Variants in MAP4K5 observed in about 807,000 individuals in gnomAD.
The protein encoded by MAP4K5 is mitogen-activated protein kinase kinase kinase kinase 5.
MAP4K5 carries 82 observed loss-of-function variants against 135.6 expected under a neutral mutation model. The observed-to-expected ratio is 0.60, with a 90% CI of 0.51 to 0.73. MAP4K5 has a LOEUF of 0.73. Among genes scored for constraint, MAP4K5 ranks in the 30% least tolerant of loss-of-function variants. MAP4K5 has a pLI of 0.00. For missense variants in MAP4K5, 907 were observed against 1,010.9 expected (o/e 0.90, Z 1.39); for synonymous variants, 347 against 335.0 (o/e 1.04, Z -0.39).
intron 9 of MAP4K5, among the ~76,000 whole-genome samples, chr14:50,470,040 AAG>A (rs2036922230): frequency 6.6e-6 from 1 of 152,202 alleles, no homozygotes; most frequent in Non-Finnish European, 1.5e-5. Context: ...GAGTAAGGAG[AAG>A]TAAACAATCA....
chr14:50,482,124 A>T (rs1014395746), intron 6 of MAP4K5, among the ~76,000 whole-genome samples: 1 of 152,206 alleles, frequency 6.6e-6, no homozygotes, highest in Admixed American at 6.5e-5. Context: ...TCCACATATG[A>T]TCACTGTATA....
At chr14:50,538,769 C>T (rs1260387504) in intron 2 of MAP4K5, among the ~76,000 whole-genome samples, 1 of 152,156 alleles carries the variant, frequency 6.6e-6, no homozygotes, top group Non-Finnish European at 1.5e-5. Flanking sequence ...CTCAGGATTC[C>T]TCACTATCTA....
At chr14:50,550,065 T>C (rs750337136) in intron 1 of MAP4K5, among the ~76,000 whole-genome samples, 8 of 152,144 alleles carry the variant, frequency 5.3e-5, no homozygotes, top group Non-Finnish European at 1.5e-5. Context: ...GGAGGGTGAA[T>C]GAAGGCTGCT....
chr14:50,445,048 A>C lies in MAP4K5; in HGVS notation c.1332T>G (p.Ser444=). 1 of 1,613,276 alleles carries C rather than the reference A, an allele frequency of 6.2e-7. No homozygotes were observed. Among genetic ancestry groups the C allele is most frequent in the South Asian group, 1.1e-5 (1 of 90,974 alleles). Residue 444 remains serine, a synonymous_variant, in exon 18 of 33, where the codon TCT becomes TCG. Coordinates refer to ENST00000682126, the MANE Select transcript of MAP4K5 (RefSeq NM_006575.6). ...SPSCGPVAET[S]SIGNGDGISK... ...TAATAATGCTAGCCATACCAATAGA[A>C]GAAGTCTCTGCCACAGGCCCACAAC...
intron 23 of MAP4K5, 103 bp downstream of exon 23, chr14:50,439,910 G>C: frequency 8.7e-7 from 1 of 1,148,682 alleles, no homozygotes; most frequent in South Asian, 1.5e-5. Flanking sequence ...TACTATATTA[G>C]ATTATAGTCA....
intron 12 of MAP4K5, 123 bp downstream of exon 12, chr14:50,463,915 AAAAAAAAAAAAAAG>A: frequency 6.7e-5 from 14 of 210,130 alleles, no homozygotes; most frequent in South Asian, 2.2e-4. Flanking sequence ...AAAAAAAAAA[AAAAAAAAAAAAAAG>A]TTTGCTGACC....
rs1466640233 is a variant in MAP4K5 at position 50,429,176 on chromosome 14, T to TA, written c.2233+15dup. ...TCAAGTAGTATACTCAAAATAAAAT[T>TA]AAAAATAGTACTTACTGTCTAAACA... On this transcript the variant is annotated intron_variant, in intron 29 of 32. Coordinates refer to ENST00000682126, the MANE Select transcript of MAP4K5 (RefSeq NM_006575.6). 2.1e-6 allele frequency: 3 copies of TA among 1,449,222 alleles called. No individual in the cohort carries two copies. In the African/African-American group the frequency reaches 4.3e-5, roughly 21 times the overall value. The allele number at this position is 1,449,222 out of a possible 1,614,324, so 89.8% of individuals were successfully genotyped here.
intron 11 of MAP4K5, among the ~76,000 whole-genome samples, chr14:50,464,356 C>A (rs2036783703): frequency 6.6e-6 from 1 of 152,080 alleles, no homozygotes; most frequent in South Asian, 2.1e-4. Flanking sequence ...AAAAATTACA[C>A]TAACAATCAG....
chr14:50,468,417 TA>T (rs1312592575), intron 10 of MAP4K5: 6 of 483,748 alleles, frequency 1.2e-5, no homozygotes, highest in African/African-American at 1.9e-5. Context: ...TCAAGTACAG[TA>T]GTGAGAAGGA....
intron 1 of MAP4K5, 90 bp from the exon 2 acceptor site, chr14:50,532,248 T>G: frequency 7.6e-6 from 4 of 529,074 alleles, no homozygotes; most frequent in Non-Finnish European, 6.6e-6. Flanking sequence ...TTCCCTTCCG[T>G]CCCGCCAGGG....
At chr14:50,556,142 A>G (rs1443904357) in intron 1 of MAP4K5, among the ~76,000 whole-genome samples, 1 of 152,018 alleles carries the variant, frequency 6.6e-6, no homozygotes, top group Non-Finnish European at 1.5e-5. Context: ...TTGACTTTTG[A>G]CTTTTTAAAA....
intron 3 of MAP4K5, among the ~76,000 whole-genome samples, chr14:50,496,479 T>TAC (rs774585344): frequency 1.3e-5 from 2 of 152,164 alleles, no homozygotes; most frequent in East Asian, 3.9e-4. Context: ...AATATATATA[T>TAC]ACACACACAC....
chr14:50,546,183 A>G lies in MAP4K5; in HGVS notation c.-179-3599T>C, dbSNP rs78412128. ...TTTTTTAAAAAATCAAACTGCTATGAAAACTACTTTACCCCAAATTTTTGT... is the reference window on the plus strand; with the variant it reads ...TTTTTTAAAAAATCAAACTGCTATGGAAACTACTTTACCCCAAATTTTTGT... On this transcript the variant is annotated intron_variant, in intron 1 of 8. Transcript: ENST00000555216. 9.0e-3 allele frequency among the ~76,000 whole-genome samples: 1,371 copies of G among 152,330 alleles called. 19 individuals carry two copies. The highest frequency in any genetic ancestry group is 0.031 in the African/African-American group (1,271 of 41,572).
chr14:50,440,476 A>G, intron 21 of MAP4K5, 35 bp from the exon 22 acceptor site: 1 of 1,107,180 alleles, frequency 9.0e-7, no homozygotes, highest in Non-Finnish European at 1.3e-6. Context: ...AGAATTTACC[A>G]TCATCTTCTG....
At chr14:50,510,887 T>C (rs570600860) in intron 2 of MAP4K5, among the ~76,000 whole-genome samples, 1 of 152,326 alleles carries the variant, frequency 6.6e-6, no homozygotes, top group South Asian at 2.1e-4. Flanking sequence ...CTTGATACTT[T>C]GGCAGTTTCT....
chr14:50,440,226 A>G, intron 22 of MAP4K5, 136 bp downstream of exon 22: 1 of 782,572 alleles, frequency 1.3e-6, no homozygotes, highest in Non-Finnish European at 2.0e-6. Flanking sequence ...TGAACATGCA[A>G]AGAGTACAAT....
At chr14:50,485,506 T>C in intron 5 of MAP4K5, 72 bp downstream of exon 5, 1 of 964,614 alleles carries the variant, frequency 1.0e-6, no homozygotes, top group East Asian at 2.6e-5. Context: ...ATTTCCGTGG[T>C]TAACTGGAAA....
At chr14:50,510,164 C>T (rs1331179054) in intron 2 of MAP4K5, among the ~76,000 whole-genome samples, 1 of 152,108 alleles carries the variant, frequency 6.6e-6, no homozygotes, top group East Asian at 1.9e-4. Context: ...GAAAATGACT[C>T]CATTCTTCTC....
intron 21 of MAP4K5, 93 bp from the exon 22 acceptor site, chr14:50,440,534 T>C (rs2036203967): frequency 1.6e-6 from 1 of 616,154 alleles, no homozygotes. Context: ...GCATCAAGAA[T>C]TAGCCACCTA....
Sources: allele counts gnomAD v4.1 joint callset (sites outside exome capture counted in the v4.1 genomes callset), GRCh38; gene constraint gnomAD v4.1.1; transcripts MANE v1.5; gene names NCBI Gene and HGNC (gene_info 2026-07-23, HGNC 2026-07-21).